SETD1B: variants seen among roughly 807,000 people sequenced by gnomAD.
SETD1B encodes histone-lysine N-methyltransferase SETD1B.
A neutral mutation model predicts 148.0 loss-of-function variants in SETD1B; 7 were observed. The ratio of observed to expected loss-of-function variants is 0.05; its 90% CI spans 0.03 to 0.09. The LOEUF (loss-of-function observed/expected upper bound fraction) is 0.09. Ranked by LOEUF, SETD1B falls within the 10% of genes least tolerant of loss-of-function variation. SETD1B has a pLI of 1.00. For synonymous variants in SETD1B, 1,361 were observed against 1,186.5 expected (o/e 1.15, Z -3.02); for missense variants, 2,155 against 2,729.9 (o/e 0.79, Z 4.69).
At chr12:121,796,998 T>C in the SETD1B span, among the ~76,000 whole-genome samples, 2 of 151,406 alleles carry the variant, frequency 1.3e-5, no homozygotes, top group South Asian at 2.1e-4. Context: ...GATCACACCA[T>C]TGCCTGGGCA....
rs946803803 is a variant in SETD1B at position 121,826,359 on chromosome 12, C to T, written c.5337+993C>T. 2.6e-5 allele frequency among the ~76,000 whole-genome samples: 4 copies of T among 152,062 alleles called. No homozygotes were observed. The East Asian group carries it at 5.8e-4, about 22-fold the overall frequency. On this transcript the variant is annotated intron_variant, in intron 13 of 16. Transcript: ENST00000604567. ...GGAGTCAGAGAGGGTCAGACCCAGGCGAAGTGTGGGAAGGCGCCATGTGGA... is the reference window on the plus strand; with the variant it reads ...GGAGTCAGAGAGGGTCAGACCCAGGTGAAGTGTGGGAAGGCGCCATGTGGA...
chr12:121,811,537 A>G (rs1266510693), intron 6 of SETD1B, among the ~76,000 whole-genome samples: 2 of 152,164 alleles, frequency 1.3e-5, no homozygotes, highest in African/African-American at 4.8e-5. Context: ...CTCCAGCCTC[A>G]GGAAGTCCCG....
chr12:121,817,524 C>T lies in SETD1B; in HGVS notation c.3132C>T (p.Ser1044=). Residue 1044 remains serine (S), a synonymous_variant, in exon 9 of 17, where the codon TCC becomes TCT. Coordinates refer to ENST00000604567, the MANE Select transcript of SETD1B (RefSeq NM_001353345.2). This position sits in a 1 kb window ranked among gnomAD's most constrained non-coding sequence, Gnocchi z 8.1. ...EEDEKESLSA[S]SSSSASSSSG... ...ACGAGAAGGAGTCATTGTCGGCGTCCTCGTCCTCATCCGCGTCATCATCCT... is the reference window on the plus strand; with the variant it reads ...ACGAGAAGGAGTCATTGTCGGCGTCTTCGTCCTCATCCGCGTCATCATCCT... The T allele has an allele frequency of 2.6e-6, 4 of 1,551,538 alleles. No homozygotes were observed. Among genetic ancestry groups the T allele is most frequent in the Non-Finnish European group, 3.5e-6 (4 of 1,146,978 alleles).
upstream of SETD1B, chr12:121,803,786 A>AG (rs1429035086): frequency 2.0e-5 from 3 of 151,564 alleles, no homozygotes; most frequent in African/African-American, 7.3e-5. This position sits in a 1 kb window ranked among gnomAD's most constrained non-coding sequence, Gnocchi z 4.7. Context: ...CCCCAGTCCC[A>AG]GAAAAATAAA....
chr12:121,792,709 C>T, the SETD1B span, among the ~76,000 whole-genome samples: 1 of 152,240 alleles, frequency 6.6e-6, no homozygotes, highest in African/African-American at 2.4e-5. Context: ...GAGCCACAGG[C>T]TGATCTGCAG....
chr12:121,816,944 C>A (rs900129232), intron 7 of SETD1B, 89 bp from the exon 8 acceptor site: 77 of 1,225,090 alleles, frequency 6.3e-5, no homozygotes, highest in Non-Finnish European at 1.1e-6. Flanking sequence ...CTGTTACTGC[C>A]GAGTGGAAGG....
Position 121,822,969 on chromosome 12 carries a change from TC to T in SETD1B, c.4394del (p.Pro1465ArgfsTer51). The T allele has an allele frequency of 6.5e-7, 1 of 1,536,864 alleles. No individual in the cohort carries two copies. Among genetic ancestry groups the T allele is most frequent in the Non-Finnish European group, 8.8e-7 (1 of 1,141,774 alleles). On this transcript the variant is annotated frameshift_variant, in exon 12 of 17. Coordinates refer to ENST00000604567, the MANE Select transcript of SETD1B (RefSeq NM_001353345.2). LOFTEE classifies it high-confidence loss of function. Reference protein sequence around the residue: ...RRDERSGPLASPVLLETGLPL... With the variant: ...RRDERSGPLAXPVLLETGLPL... ...CGATGAACGCTCCGGGCCCCTGGCC[TC>T]CCCGGTGCTCCTGGAGACGGGCCTG... is the stretch of plus-strand genomic sequence containing the variant.
the SETD1B span, among the ~76,000 whole-genome samples, chr12:121,790,821 C>T: frequency 6.6e-6 from 1 of 152,156 alleles, no homozygotes; most frequent in Non-Finnish European, 1.5e-5. Flanking sequence ...GATTCCAAAG[C>T]ACAGGCTTGA....
At position 121,806,183 on chromosome 12, in the gene SETD1B, G is replaced by A. The variant is rs930240033; in HGVS notation, c.544+78G>A. On this transcript the variant is annotated intron_variant, in intron 4 of 16. Transcript: ENST00000604567. ...CTCCCCACCCTTCCTGCAGCGTGGG[G>A]AGGACCCCCCCTCACTCTTCCTTGG... 8 of 1,470,632 alleles carry A rather than the reference G, an allele frequency of 5.4e-6. No homozygotes were observed. In the African/African-American group the frequency reaches 8.4e-5, roughly 15 times the overall value. 91.1% of individuals were successfully genotyped at this position (1,470,632 alleles called of 1,614,324 possible). A position where few individuals can be genotyped will look rare whatever the true frequency, so the allele number is the denominator to read the frequency against.
At position 121,808,106 on chromosome 12, in the gene SETD1B, G is replaced by C. The variant is rs1011945990; in HGVS notation, c.545-102G>C. The C allele has an allele frequency of 8.1e-6, 7 of 860,252 alleles. No homozygotes were observed. Among genetic ancestry groups the C allele is most frequent in the Admixed American group, 6.9e-5 (3 of 43,268 alleles). 53.3% of individuals were successfully genotyped at this position (860,252 alleles called of 1,614,324 possible). On this transcript the variant is annotated intron_variant, in intron 4 of 16. Coordinates refer to ENST00000604567, the MANE Select transcript of SETD1B (RefSeq NM_001353345.2). This position sits in a 1 kb window ranked among gnomAD's most constrained non-coding sequence, Gnocchi z 5.3. ...ACAGCCTCCCTAGGACTGGGGTCTCGGGCACAAGGGACCCACCAGGGTGCC... is the reference window on the plus strand; with the variant it reads ...ACAGCCTCCCTAGGACTGGGGTCTCCGGCACAAGGGACCCACCAGGGTGCC...
At chr12:121,798,386 GTGGGC>G in the SETD1B span, among the ~76,000 whole-genome samples, 1 of 152,032 alleles carries the variant, frequency 6.6e-6, no homozygotes. Flanking sequence ...GCTTCAGCAG[GTGGGC>G]TGGTGCGGGG....
rs151269442 is a variant in SETD1B, at chr12:121,810,931, G to A, written c.1890+96G>A. On this transcript the variant is annotated intron_variant, in intron 6 of 16. Transcript: ENST00000604567. The surrounding 1 kb of genome is among the most constrained non-coding windows in gnomAD (Gnocchi z 7.6). ...CATTTAGCATGACTAGCTAAGATGC[G>A]GAAGCAATGGGGCTAGGAAAGCCAA... 79 of 1,383,066 alleles carry A rather than the reference G, an allele frequency of 5.7e-5. No individual in the cohort carries two copies. The African/African-American group carries it at 9.9e-4, about 17-fold the overall frequency. 85.7% of individuals were successfully genotyped at this position (1,383,066 alleles called of 1,614,324 possible). A position where few individuals can be genotyped will look rare whatever the true frequency, so the allele number is the denominator to read the frequency against.
At chr12:121,811,853 T>G (rs1243334359) in intron 6 of SETD1B, among the ~76,000 whole-genome samples, 1 of 151,958 alleles carries the variant, frequency 6.6e-6, no homozygotes, top group Non-Finnish European at 1.5e-5. Context: ...TCCAAGCAGT[T>G]CTGGGGAAGT....
chr12:121,827,970 A>G lies in SETD1B; in HGVS notation c.5627A>G (p.Glu1876Gly). ...ADMREKRYEDEGIGSSYMFRV... is the reference protein window; with the variant it reads ...ADMREKRYEDGGIGSSYMFRV... ...ATGCGGGAGAAGCGTTATGAGGACG[A>G]GGGCATCGGGAGCAGCTACATGTTC... Residue 1876 changes from glutamate to glycine, a missense_variant, in exon 16 of 17, where the codon GAG becomes GGG. Coordinates refer to ENST00000604567, the MANE Select transcript of SETD1B (RefSeq NM_001353345.2). 1 of 1,552,038 alleles carries G rather than the reference A, an allele frequency of 6.4e-7. No individual in the cohort carries two copies. Among genetic ancestry groups the G allele is most frequent in the Non-Finnish European group, 8.7e-7 (1 of 1,147,102 alleles).
At chr12:121,792,761 A>G in the SETD1B span, among the ~76,000 whole-genome samples, 5 of 152,210 alleles carry the variant, frequency 3.3e-5, no homozygotes, top group Non-Finnish European at 7.4e-5. Context: ...CACACAGCCC[A>G]GGCAATCCGA....
chr12:121,812,569 G>A (rs1291373262), intron 6 of SETD1B, among the ~76,000 whole-genome samples: 1 of 152,086 alleles, frequency 6.6e-6, no homozygotes, highest in Non-Finnish European at 1.5e-5. Context: ...AGGGCCGGCC[G>A]GGGCTGGAGC....
intron 13 of SETD1B, 30 bp downstream of exon 13, chr12:121,825,396 G>C: frequency 6.5e-7 from 1 of 1,534,212 alleles, no homozygotes; most frequent in Non-Finnish European, 8.8e-7. Context: ...ACACATCAGA[G>C]CCTGCTGGGC....
Position 121,805,153 on chromosome 12 carries a change from T to C in SETD1B, c.210T>C (p.Asp70=). 1.3e-6 allele frequency: 2 copies of C among 1,551,562 alleles called. No individual in the cohort carries two copies. The highest frequency in any genetic ancestry group is 1.7e-6 in the Non-Finnish European group (2 of 1,146,960). The change falls in exon 3 of 17, where the codon GAT becomes GAC. Residue 70 remains aspartate, a synonymous_variant. Coordinates refer to ENST00000604567, the MANE Select transcript of SETD1B (RefSeq NM_001353345.2). This position sits in a 1 kb window ranked among gnomAD's most constrained non-coding sequence, Gnocchi z 4.2. ...SSNRPVEIVE[D]PRVVGIWTKN... is the part of the protein sequence containing the mutation. ...ACCGCCCGGTGGAAATTGTCGAAGA[T>C]CCCCGGGTCGTCGGGATCTGGACCA...
At chr12:121,824,603 C>T (rs1432435765) in intron 12 of SETD1B, among the ~76,000 whole-genome samples, 5 of 151,904 alleles carry the variant, frequency 3.3e-5, no homozygotes, top group Non-Finnish European at 5.9e-5. Flanking sequence ...GCCAAGATCG[C>T]ACCACTGCAC....
Sources: allele counts gnomAD v4.1 joint callset (sites outside exome capture counted in the v4.1 genomes callset), GRCh38; gene constraint gnomAD v4.1.1; non-coding constraint Gnocchi (gnomAD v3.1); transcripts MANE v1.5; gene names NCBI Gene and HGNC (gene_info 2026-07-23, HGNC 2026-07-21).